GPR39: variants seen among roughly 807,000 people sequenced by gnomAD.
GPR39 encodes the protein G protein-coupled receptor 39.
A neutral mutation model predicts 18.4 loss-of-function variants in GPR39; 23 were observed. That is an observed-to-expected ratio of 1.25 (90% CI 0.90 to 1.77). GPR39 has a LOEUF of 1.77. GPR39 is among the 40% of genes most tolerant of loss of function. The pLI is 0.00. For synonymous variants in GPR39, 280 were observed against 257.9 expected (o/e 1.09, Z -0.82); for missense variants, 647 against 602.4 (o/e 1.07, Z -0.78).
chr2:132,592,147 T>C (rs887174340), intron 1 of GPR39, among the ~76,000 whole-genome samples: 1 of 152,126 alleles, frequency 6.6e-6, no homozygotes, highest in African/African-American at 2.4e-5. Flanking sequence ...TTATTGTCAG[T>C]TGGTGGAGGA....
chr2:132,607,309 T>G lies in GPR39; in HGVS notation c.857-37792T>G, dbSNP rs554192209. 3.9e-5 allele frequency among the ~76,000 whole-genome samples: 6 copies of G among 152,350 alleles called. No homozygotes were observed. In the South Asian group the frequency reaches 1.2e-3, roughly 32 times the overall value. On this transcript the variant is annotated intron_variant, in intron 1 of 1. Transcript: ENST00000329321. The stretch of plus-strand genomic sequence containing the variant: ...TACATTTGTTCATTCCTTTACTCAT[T>G]CATCCTATGTTGAATAAGCCCCTGT...
intron 1 of GPR39, among the ~76,000 whole-genome samples, chr2:132,608,300 G>A: frequency 6.6e-6 from 1 of 152,166 alleles, no homozygotes; most frequent in South Asian, 2.1e-4. Flanking sequence ...GTTAGAACAG[G>A]TACATTGTTG....
At chr2:132,434,195 G>GAGC (rs1204597146) in intron 1 of GPR39, among the ~76,000 whole-genome samples, 1 of 152,134 alleles carries the variant, frequency 6.6e-6, no homozygotes, top group Non-Finnish European at 1.5e-5. Flanking sequence ...AAAGAGAAGT[G>GAGC]AGCATCAAGA....
intron 1 of GPR39, among the ~76,000 whole-genome samples, chr2:132,597,704 C>T (rs1384344432): frequency 6.6e-6 from 1 of 152,164 alleles, no homozygotes; most frequent in Non-Finnish European, 1.5e-5. Flanking sequence ...TATATGTGTT[C>T]ATGGACCATT....
At chr2:132,615,847 G>A (rs1239712322) in intron 1 of GPR39, among the ~76,000 whole-genome samples, 1 of 151,906 alleles carries the variant, frequency 6.6e-6, no homozygotes, top group Non-Finnish European at 1.5e-5. Context: ...ACTCTCAGGT[G>A]TTGATCCTGC....
chr2:132,645,156 C>G lies in GPR39; in HGVS notation c.912C>G (p.Ile304Met). ...GGATGCCCAACCAGATTCGGAGGAT[C>G]ATGGCTGCGGCCAAACCCAAGCACG... ...VCWMPNQIRR[I>M]MAAAKPKHDW... The change falls in exon 2 of 2, where the codon ATC becomes ATG. Residue 304 changes from isoleucine to methionine, a missense_variant. Ile to Met is a conservative substitution (Grantham distance 10, BLOSUM62 1). Transcript: ENST00000329321. 1 of 1,614,168 alleles carries G rather than the reference C, an allele frequency of 6.2e-7. No homozygotes were observed. Among genetic ancestry groups the G allele is most frequent in the Non-Finnish European group, 8.5e-7 (1 of 1,180,022 alleles).
chr2:132,572,359 C>A (rs185781003), intron 1 of GPR39, among the ~76,000 whole-genome samples: 35 of 152,154 alleles, frequency 2.3e-4, no homozygotes, highest in Admixed American at 2.2e-3. Flanking sequence ...CTGGACAAGT[C>A]CTGGAGGGGC....
chr2:132,421,250 T>C (rs948744261), intron 1 of GPR39, among the ~76,000 whole-genome samples: 1 of 152,224 alleles, frequency 6.6e-6, no homozygotes, highest in Non-Finnish European at 1.5e-5. Context: ...TCCAGGTCTG[T>C]GGACACTTGT....
At chr2:132,478,534 C>A (rs1158475995) in intron 1 of GPR39, among the ~76,000 whole-genome samples, 1 of 152,178 alleles carries the variant, frequency 6.6e-6, no homozygotes, top group Admixed American at 6.5e-5. Context: ...CCAATCAATA[C>A]TACGTAACAA....
intron 1 of GPR39, among the ~76,000 whole-genome samples, chr2:132,539,778 C>G (rs1280532224): frequency 6.6e-6 from 1 of 152,018 alleles, no homozygotes; most frequent in Non-Finnish European, 1.5e-5. Context: ...CCAGATAAGA[C>G]AGGGGAGGGG....
chr2:132,537,960 A>G (rs560169275), intron 1 of GPR39, among the ~76,000 whole-genome samples: 1 of 152,006 alleles, frequency 6.6e-6, no homozygotes, highest in East Asian at 1.9e-4. Flanking sequence ...CTTTTATTAA[A>G]ATTCTTAGCT....
At chr2:132,614,941 T>G (rs1309876260) in intron 1 of GPR39, among the ~76,000 whole-genome samples, 1 of 152,222 alleles carries the variant, frequency 6.6e-6, no homozygotes, top group East Asian at 1.9e-4. Flanking sequence ...TCTTATTTAT[T>G]TTCAACCTTC....
intron 1 of GPR39, among the ~76,000 whole-genome samples, chr2:132,517,463 GA>G: frequency 6.6e-6 from 1 of 152,252 alleles, no homozygotes; most frequent in African/African-American, 2.4e-5. Flanking sequence ...AGTGCCCTGT[GA>G]AGCATGTGAC....
intron 1 of GPR39, among the ~76,000 whole-genome samples, chr2:132,593,907 A>G (rs1680891251): frequency 6.6e-6 from 1 of 152,160 alleles, no homozygotes; most frequent in Non-Finnish European, 1.5e-5. Context: ...CTCCAGTTTA[A>G]TCATTCCTTG....
intron 1 of GPR39, among the ~76,000 whole-genome samples, chr2:132,566,171 A>C (rs1396343426): frequency 6.8e-6 from 1 of 147,148 alleles, no homozygotes; most frequent in Non-Finnish European, 1.5e-5. Flanking sequence ...GCATTTTTTC[A>C]TGTGTTTTTT....
rs1201726016 is a variant in GPR39, at chr2:132,552,837, T to TATATATATACACACATATATATATAC, written c.857-92250_857-92225dup. ...GTGTGTGTATGTATATATATACATA[T>TATATATATACACACATATATATATAC]ATATATATACACACATATATATATA... On this transcript the variant is annotated intron_variant, in intron 1 of 1. Coordinates refer to ENST00000329321, the MANE Select transcript of GPR39 (RefSeq NM_001508.3). 3.0e-4 allele frequency among the ~76,000 whole-genome samples: 45 copies of TATATATATACACACATATATATATAC among 147,780 alleles called. No homozygotes were observed. The Middle Eastern group carries it at 0.011, about 36-fold the overall frequency.
Position 132,417,648 on chromosome 2 carries a change from C to A in GPR39, c.606C>A (p.Pro202=). Residue 202 remains proline, a synonymous_variant, in exon 1 of 2, where the codon CCC becomes CCA. Coordinates refer to ENST00000329321, the MANE Select transcript of GPR39 (RefSeq NM_001508.3). The stretch of plus-strand genomic sequence containing the variant: ...CCAGCACCCGCCACCACGAGCAGCC[C>A]GAGACCTCCAATATGTCCATCTGTA... ...NRSSTRHHEQ[P]ETSNMSICTN... is the part of the protein sequence containing the mutation. 1.2e-6 allele frequency: 2 copies of A among 1,614,152 alleles called. No homozygotes were observed. Among genetic ancestry groups the A allele is most frequent in the Non-Finnish European group, 1.7e-6 (2 of 1,180,030 alleles).
At chr2:132,581,062 A>T (rs1680614893) in intron 1 of GPR39, among the ~76,000 whole-genome samples, 1 of 151,732 alleles carries the variant, frequency 6.6e-6, no homozygotes, top group South Asian at 2.1e-4. Flanking sequence ...AAAAAAAAGC[A>T]TTACTGTGTC....
chr2:132,560,510 A>G (rs1376136875), intron 1 of GPR39, among the ~76,000 whole-genome samples: 2 of 152,114 alleles, frequency 1.3e-5, no homozygotes, highest in African/African-American at 4.8e-5. Flanking sequence ...CACTACCACC[A>G]TTCTGCCTTC....
Sources: allele counts gnomAD v4.1 joint callset (sites outside exome capture counted in the v4.1 genomes callset), GRCh38; gene constraint gnomAD v4.1.1; transcripts MANE v1.5; gene names NCBI Gene and HGNC (gene_info 2026-07-23, HGNC 2026-07-21).